GABRA2: variants seen among roughly 807,000 people sequenced by gnomAD.
GABRA2 encodes gamma-aminobutyric acid receptor subunit alpha-2.
In GABRA2, 16 loss-of-function variants were observed where a neutral mutation model predicts 48.7. The ratio of observed to expected loss-of-function variants is 0.33; its 90% CI spans 0.22 to 0.50. GABRA2 has a LOEUF of 0.50. Among genes scored for constraint, GABRA2 ranks in the 20% least tolerant of loss-of-function variants. GABRA2 has a pLI of 0.98. For synonymous variants in GABRA2, 185 were observed against 184.5 expected (o/e 1.00, Z -0.02); for missense variants, 275 against 535.6 (o/e 0.51, Z 4.80).
rs1731243100 is a variant in GABRA2 at position 46,330,902 on chromosome 4, C to T, written c.255+1713G>A. 2.6e-5 allele frequency among the ~76,000 whole-genome samples: 4 copies of T among 152,098 alleles called. 1 individual carries two copies. The highest frequency in any genetic ancestry group is 2.0e-4 in the Admixed American group (3 of 15,250). ...GTGTTTATCTGCACTGTGTCTCTAA[C>T]ATTTGGGAACATTTAAGACAAGCTA... On this transcript the variant is annotated intron_variant, in intron 4 of 9. Transcript: ENST00000381620.
intron 4 of GABRA2, among the ~76,000 whole-genome samples, chr4:46,330,160 A>G (rs1215520018): frequency 6.6e-6 from 1 of 152,114 alleles, no homozygotes; most frequent in Non-Finnish European, 1.5e-5. Context: ...CTATATTGGT[A>G]GTGTGAGTAT....
intron 8 of GABRA2, among the ~76,000 whole-genome samples, chr4:46,265,499 TATATG>T (rs1718027692): frequency 1.9e-5 from 2 of 102,890 alleles, no homozygotes; most frequent in African/African-American, 1.1e-4. Context: ...TATATATATA[TATATG>T]TTTTCTCTAT....
rs925130436 is a variant in GABRA2, at chr4:46,248,048, G to C, written c.*2260C>G. On this transcript the variant is annotated 3_prime_UTR_variant, in exon 10 of 10. Coordinates refer to ENST00000381620, the MANE Select transcript of GABRA2 (RefSeq NM_000807.4). ...TCTGCCATAAATGCTAATAATACTG[G>C]TGCCATCAATATAGTAGCAGCTCTT... Among the ~76,000 whole-genome samples, 1 of 151,216 alleles carries C rather than the reference G, an allele frequency of 6.6e-6. No individual in the cohort carries two copies. Among genetic ancestry groups the C allele is most frequent in the African/African-American group, 2.4e-5 (1 of 41,326 alleles).
chr4:46,306,102 A>G (rs1000106884), intron 6 of GABRA2, among the ~76,000 whole-genome samples: 11 of 152,220 alleles, frequency 7.2e-5, no homozygotes, highest in African/African-American at 2.7e-4. Flanking sequence ...GATAAAAATC[A>G]AAATTCAAAA....
chr4:46,261,580 A>G, intron 9 of GABRA2: 1 of 377,540 alleles, frequency 2.6e-6, no homozygotes, highest in East Asian at 4.4e-5. Flanking sequence ...TTGGGCAAGA[A>G]AATAACTTTA....
chr4:46,388,761 C>T lies in GABRA2; in HGVS notation c.-10-45G>A, dbSNP rs964203843. The T allele has an allele frequency of 2.5e-5, 40 of 1,612,238 alleles. No homozygotes were observed. The African/African-American group carries it at 4.8e-4, about 19-fold the overall frequency. ...GAAAAACAAAATACACTTAAAATTG[C>T]CTTCAGTTTCACTATCCAAGTAACC... On this transcript the variant is annotated intron_variant, in intron 1 of 9. Coordinates refer to ENST00000381620, the MANE Select transcript of GABRA2 (RefSeq NM_000807.4).
intron 3 of GABRA2, among the ~76,000 whole-genome samples, chr4:46,377,420 A>G (rs377658066): frequency 6.9e-6 from 1 of 145,544 alleles, no homozygotes; most frequent in Admixed American, 6.8e-5. Flanking sequence ...GTCTCTGCCC[A>G]GCCGCCCCGT....
chr4:46,272,754 C>G (rs2439209), intron 8 of GABRA2, among the ~76,000 whole-genome samples: 1 of 151,650 alleles, frequency 6.6e-6, no homozygotes, highest in Non-Finnish European at 1.5e-5. Context: ...TTAGGAGGAA[C>G]AGACAGAAGG....
chr4:46,333,264 T>C (rs1390190119), intron 3 of GABRA2, among the ~76,000 whole-genome samples: 2 of 152,100 alleles, frequency 1.3e-5, no homozygotes, highest in Non-Finnish European at 2.9e-5. Flanking sequence ...TTAAATGTAT[T>C]TAAGAATGCC....
intron 9 of GABRA2, 30 bp from the exon 10 acceptor site, chr4:46,250,634 G>A: frequency 6.6e-7 from 1 of 1,515,306 alleles, no homozygotes; most frequent in Non-Finnish European, 9.0e-7. Flanking sequence ...TTAACAGAGT[G>A]TGGGTTGAGT....
intron 3 of GABRA2, among the ~76,000 whole-genome samples, chr4:46,341,977 G>A (rs79959253): frequency 0.011 from 1,679 of 152,124 alleles, 12 homozygotes; most frequent in Non-Finnish European, 0.018. Context: ...ATAAAGATGA[G>A]CCCTGAGAGT....
intron 8 of GABRA2, among the ~76,000 whole-genome samples, chr4:46,271,917 A>G (rs1577849171): frequency 6.6e-6 from 1 of 151,998 alleles, no homozygotes; most frequent in South Asian, 2.1e-4. Flanking sequence ...GGAATTGTAC[A>G]TGCTGTTTAC....
chr4:46,385,923 A>C, intron 3 of GABRA2, 151 bp downstream of exon 3: 1 of 591,274 alleles, frequency 1.7e-6, no homozygotes, highest in Admixed American at 3.4e-5. Context: ...AATCACAGAC[A>C]ATATTTTTTC....
At chr4:46,325,975 C>G (rs1730301372) in intron 4 of GABRA2, among the ~76,000 whole-genome samples, 1 of 151,898 alleles carries the variant, frequency 6.6e-6, no homozygotes, top group African/African-American at 2.4e-5. Context: ...TTACTGCAGC[C>G]TTGTAGGGTA....
chr4:46,250,443 T>C lies in GABRA2; in HGVS notation c.1221A>G (p.Ala407=). The part of the protein sequence containing the change: ...NKKPENKPAE[A]KKTFNSVSKI... ...TGCTAACACTGTTGAAAGTTTTCTT[T>C]GCTTCAGCTGGCTTGTTTTCTGGCT... is the stretch of plus-strand genomic sequence containing the variant. The change falls in exon 10 of 10, where the codon GCA becomes GCG. Residue 407 remains alanine (A), a synonymous_variant. Transcript: ENST00000381620. 1.2e-6 allele frequency: 2 copies of C among 1,612,120 alleles called. No individual in the cohort carries two copies. Among genetic ancestry groups the C allele is most frequent in the South Asian group, 2.2e-5 (2 of 91,054 alleles).
chr4:46,315,663 T>C (rs889393544), intron 4 of GABRA2, among the ~76,000 whole-genome samples: 3 of 152,180 alleles, frequency 2.0e-5, no homozygotes, highest in African/African-American at 4.8e-5. Context: ...CATTTGCTTC[T>C]TTGCCTCCCA....
At chr4:46,255,478 T>C (rs774761576) in intron 9 of GABRA2, among the ~76,000 whole-genome samples, 1 of 151,576 alleles carries the variant, frequency 6.6e-6, no homozygotes, top group Non-Finnish European at 1.5e-5. Flanking sequence ...GAAGCTGTTT[T>C]ACTTGTGATT....
chr4:46,365,986 T>G (rs1713975992), intron 3 of GABRA2: 1 of 152,160 alleles, frequency 6.6e-6, no homozygotes, highest in South Asian at 2.1e-4. Flanking sequence ...GAAATTTATA[T>G]GAACAATTGC....
chr4:46,342,403 T>A (rs1733392791), intron 3 of GABRA2, among the ~76,000 whole-genome samples: 1 of 151,996 alleles, frequency 6.6e-6, no homozygotes, highest in Admixed American at 6.6e-5. Flanking sequence ...CCAATTCTCT[T>A]CACAAAACCC....
Sources: gnomAD v4.1 joint callset for allele counts (sites outside exome capture counted in the v4.1 genomes callset) on GRCh38, gnomAD v4.1.1 for gene constraint, MANE v1.5 for transcripts, NCBI Gene and HGNC (gene_info 2026-07-23, HGNC 2026-07-21) for gene names.